The following FBXO5 variants were observed in gnomAD, a reference collection of about 807,000 sequenced individuals.
FBXO5 encodes the protein F-box protein 5, also known as F-box only protein 5.
FBXO5 carries 8 observed loss-of-function variants against 43.3 expected under a neutral mutation model. The ratio of observed to expected loss-of-function variants is 0.18; its 90% CI spans 0.11 to 0.33. The LOEUF is 0.33. Ranked by LOEUF, FBXO5 falls within the 10% of genes least tolerant of loss-of-function variation. The pLI is 1.00. For synonymous variants in FBXO5, 204 were observed against 193.7 expected, an observed-to-expected ratio of 1.05 and a Z score of -0.44; for missense variants, 491 against 535.7, an observed-to-expected ratio of 0.92 and a Z score of 0.82.
Position 152,972,343 on chromosome 6 carries a change from C to G in FBXO5, c.1021G>C (p.Ala341Pro). Residue 341 changes from alanine (A) to proline (P), a missense_variant, in exon 4 of 5, where the codon GCT (alanine) becomes CCT (proline). Coordinates refer to ENST00000229758, the MANE Select transcript of FBXO5 (RefSeq NM_012177.5). ...SAAQTSLKKD[A>P]QTKLSNQGDQ... ...CCTTGATTGGATAACTTGGTTTGAG[C>G]ATCTTTTTTGAGAGAAGTCTGGGCT... The G allele has an allele frequency of 1.2e-6, 2 of 1,613,006 alleles. No homozygotes were observed. Among genetic ancestry groups the G allele is most frequent in the Non-Finnish European group, 1.7e-6 (2 of 1,179,334 alleles).
At position 152,971,156 on chromosome 6, in the gene FBXO5, TAA is replaced by T; in HGVS notation, c.*5_*6del. On this transcript the variant is annotated 3_prime_UTR_variant, in exon 5 of 5. Transcript: ENST00000229758. Reference sequence around the variant, plus strand: ...TCATGATCAGTAACAATTGATTTAATAAGAGATCACAATCTTCGTAAATTCTT... The same window carrying T: ...TCATGATCAGTAACAATTGATTTAATGAGATCACAATCTTCGTAAATTCTT... 1.3e-6 allele frequency: 2 copies of T among 1,597,456 alleles called. No individual in the cohort carries two copies. Among genetic ancestry groups the T allele is most frequent in the Non-Finnish European group, 1.7e-6 (2 of 1,173,382 alleles).
At chr6:152,980,969 A>C (rs933891819) in intron 1 of FBXO5, among the ~76,000 whole-genome samples, 1 of 152,236 alleles carries the variant, frequency 6.6e-6, no homozygotes, top group Non-Finnish European at 1.5e-5. Context: ...TAATCACATA[A>C]GCCAAATCCC....
At chr6:152,976,544 TCTG>T (rs1432631264) in intron 1 of FBXO5, among the ~76,000 whole-genome samples, 4 of 152,182 alleles carry the variant, frequency 2.6e-5, no homozygotes, top group African/African-American at 9.6e-5. Context: ...TATGAATAGT[TCTG>T]CTATCAATCA....
In FBXO5 at chr6:152,970,844, G is replaced by C. The variant is rs1034891530; in HGVS notation, c.*319C>G. 1 of 199,626 alleles carries C rather than the reference G, an allele frequency of 5.0e-6. No homozygotes were observed. The highest frequency in any genetic ancestry group is 2.3e-5 in the African/African-American group (1 of 42,674). The allele number at this position is 199,626 out of a possible 1,614,324, so 12.4% of individuals were successfully genotyped here. ...AACCAGACATATTTAAGACTGTCTA[G>C]GTAAAATTGCATGGGTTTCCTTTAC... On this transcript the variant is annotated 3_prime_UTR_variant, in exon 5 of 5. Transcript: ENST00000229758.
At chr6:152,983,134 A>G (rs1236948798), upstream of FBXO5, 9 of 423,128 alleles carry the variant, frequency 2.1e-5, no homozygotes, top group Non-Finnish European at 2.9e-5. Flanking sequence ...GCATGCGCGC[A>G]CCAATAGGAG....
At chr6:152,978,629 C>T (rs1778212258) in intron 1 of FBXO5, among the ~76,000 whole-genome samples, 1 of 151,950 alleles carries the variant, frequency 6.6e-6, no homozygotes, top group Admixed American at 6.6e-5. Context: ...GAAATTAGCA[C>T]TTAAGGAGTT....
At position 152,975,184 on chromosome 6, in the gene FBXO5, G is replaced by T; in HGVS notation, c.541C>A (p.Gln181Lys). 7 of 1,614,180 alleles carry T rather than the reference G, an allele frequency of 4.3e-6. No homozygotes were observed. Among genetic ancestry groups the T allele is most frequent in the Non-Finnish European group, 5.9e-6 (7 of 1,180,024 alleles). The change falls in exon 2 of 5, where the codon CAA (glutamine) becomes AAA (lysine). Residue 181 changes from glutamine to lysine, a missense_variant. Coordinates refer to ENST00000229758, the MANE Select transcript of FBXO5 (RefSeq NM_012177.5). ...DSLQSCLLQI[Q>K]SPDQYPNKNL... is the part of the protein sequence containing the mutation. ...TTGTTGGGATATTGGTCTGGGCTTT[G>T]TATTTGTAGCAGGCAGGATTGTAGA...
At chr6:152,974,665 A>G (rs1778136412) in intron 2 of FBXO5, among the ~76,000 whole-genome samples, 1 of 152,204 alleles carries the variant, frequency 6.6e-6, no homozygotes, top group Admixed American at 6.5e-5. Context: ...CATGATGCTC[A>G]AAGGAAATGC....
At chr6:152,982,706 C>T (rs1191501363) in intron 1 of FBXO5, 151 bp downstream of exon 1, 4 of 509,096 alleles carry the variant, frequency 7.9e-6, no homozygotes, top group African/African-American at 6.1e-5. Context: ...CTCCCGGACC[C>T]AGGAACCGCT....
Position 152,972,444 on chromosome 6 carries a change from T to C in FBXO5, c.920A>G (p.Asn307Ser), listed in dbSNP as rs1464401841. 3.1e-6 allele frequency: 5 copies of C among 1,587,658 alleles called. No homozygotes were observed. The highest frequency in any genetic ancestry group is 3.4e-6 in the Non-Finnish European group (4 of 1,169,428). Residue 307 changes from asparagine (N) to serine (S), a missense_variant, in exon 4 of 5, where the codon AAT (asparagine) becomes AGT (serine). Transcript: ENST00000229758. Reference protein sequence around the residue: ...KAIQRVTENNNKFSPHASTRE... With the variant: ...KAIQRVTENNSKFSPHASTRE... The stretch of plus-strand genomic sequence containing the variant: ...GGTTGAAGCATGAGGTGAAAATTTA[T>C]TGTTGTTTTCCTAATTTAAAAAAAA...
Position 152,971,075 on chromosome 6 carries a change from T to C in FBXO5, c.*88A>G. 7.3e-7 allele frequency: 1 copy of C among 1,364,448 alleles called. No homozygotes were observed. The highest frequency in any genetic ancestry group is 2.7e-5 in the Admixed American group (1 of 37,082). 84.5% of individuals were successfully genotyped at this position (1,364,448 alleles called of 1,614,324 possible). A position where few individuals can be genotyped will look rare whatever the true frequency, so the allele number is the denominator to read the frequency against. On this transcript the variant is annotated 3_prime_UTR_variant, in exon 5 of 5. Coordinates refer to ENST00000229758, the MANE Select transcript of FBXO5 (RefSeq NM_012177.5). ...TACTACACCGATTTCAACATAAAAT[T>C]GAAAATCACAATACAATTTTTTTTA...
Position 152,982,965 on chromosome 6 carries a change from C to T in FBXO5, c.-6G>A. 2.1e-6 allele frequency: 3 copies of T among 1,401,122 alleles called. No individual in the cohort carries two copies. Among genetic ancestry groups the T allele is most frequent in the Non-Finnish European group, 2.8e-6 (3 of 1,085,860 alleles). The allele number at this position is 1,401,122 out of a possible 1,614,324, so 86.8% of individuals were successfully genotyped here. On this transcript the variant is annotated 5_prime_UTR_variant, in exon 1 of 5. Transcript: ENST00000229758. ...CTGCAGGGGCGCCGGCTCATGCCAG[C>T]CGACGTGGAGTCTGCCTCAGGTGGA...
chr6:152,977,577 AC>A (rs1252412067), intron 1 of FBXO5, among the ~76,000 whole-genome samples: 2 of 152,228 alleles, frequency 1.3e-5, no homozygotes, highest in Non-Finnish European at 2.9e-5. Context: ...TCCCTAATTA[AC>A]CCTAAACCTA....
At chr6:152,982,628 C>T (rs919707592) in intron 1 of FBXO5, among the ~76,000 whole-genome samples, 4 of 152,148 alleles carry the variant, frequency 2.6e-5, no homozygotes, top group Admixed American at 1.3e-4. Context: ...TGGCGGGACC[C>T]CGCGGCCCGC....
intron 1 of FBXO5, among the ~76,000 whole-genome samples, chr6:152,976,835 A>G (rs998806327): frequency 6.6e-6 from 1 of 152,196 alleles, no homozygotes; most frequent in Non-Finnish European, 1.5e-5. Context: ...CCTGTGCTAC[A>G]GACATTTTGC....
intron 1 of FBXO5, among the ~76,000 whole-genome samples, chr6:152,976,252 T>G (rs1179328489): frequency 6.6e-6 from 1 of 152,214 alleles, no homozygotes; most frequent in African/African-American, 2.4e-5. Context: ...TTAAAATAAC[T>G]ATTCAAGAAA....
chr6:152,971,653 G>A (rs1431537001), intron 4 of FBXO5, among the ~76,000 whole-genome samples: 1 of 152,072 alleles, frequency 6.6e-6, no homozygotes, highest in Non-Finnish European at 1.5e-5. Flanking sequence ...TAAAATTTAA[G>A]AATAGTTTTA....
At chr6:152,976,937 C>T (rs5018162) in intron 1 of FBXO5, among the ~76,000 whole-genome samples, 31,420 of 152,106 alleles carry the variant, frequency 0.21, 3,497 homozygotes, top group African/African-American at 0.29. Context: ...AGCCCCCACT[C>T]CCAAGATGCA....
intron 2 of FBXO5, 164 bp from the exon 3 acceptor site, chr6:152,973,300 G>C (rs950271286): frequency 6.8e-6 from 4 of 589,274 alleles, no homozygotes; most frequent in African/African-American, 1.9e-5. Flanking sequence ...GGTCTAAAAT[G>C]AAGCTCAGGG....
Sources: gnomAD v4.1 joint callset for allele counts (sites outside exome capture counted in the v4.1 genomes callset) on GRCh38, gnomAD v4.1.1 for gene constraint, MANE v1.5 for transcripts, NCBI Gene and HGNC (gene_info 2026-07-23, HGNC 2026-07-21) for gene names.